The following KCNIP4 variants were observed in gnomAD, a reference collection of about 807,000 sequenced individuals.
The protein encoded by KCNIP4 is potassium voltage-gated channel interacting protein 4.
Under a neutral mutation model 34.0 loss-of-function variants are expected in KCNIP4, and 12 were observed. The observed-to-expected ratio is 0.35, with a 90% CI of 0.23 to 0.57. The LOEUF (loss-of-function observed/expected upper bound fraction) is 0.57, where lower values mean the gene tolerates loss of function less well. Among genes scored for constraint, KCNIP4 ranks in the 20% least tolerant of loss-of-function variants. The pLI is 0.83. For synonymous variants in KCNIP4, 124 were observed against 102.2 expected (o/e 1.21, Z -1.29); for missense variants, 238 against 311.7 (o/e 0.76, Z 1.78).
At chr4:21,664,220 A>G (rs1286932191) in intron 1 of KCNIP4, among the ~76,000 whole-genome samples, 1 of 152,150 alleles carries the variant, frequency 6.6e-6, no homozygotes, top group East Asian at 1.9e-4. Context: ...AAGTGCTGGC[A>G]TTACAGGCGT....
At chr4:21,200,120 A>G (rs1756359057) in intron 1 of KCNIP4, among the ~76,000 whole-genome samples, 1 of 151,960 alleles carries the variant, frequency 6.6e-6, no homozygotes, top group African/African-American at 2.4e-5. Flanking sequence ...CAGCACACCA[A>G]CACGGCACAT....
At position 21,887,975 on chromosome 4, in the gene KCNIP4, T is replaced by C. The variant is rs1726878207; in HGVS notation, c.61+60596A>G. Among the ~76,000 whole-genome samples, 3 of 152,122 alleles carry C rather than the reference T, an allele frequency of 2.0e-5. No homozygotes were observed. In the South Asian group the frequency reaches 6.2e-4, roughly 31 times the overall value. On this transcript the variant is annotated intron_variant, in intron 1 of 8. Transcript: ENST00000382152. ...AGTGTTTTATCATTAGTTGTTCAAC[T>C]ATGATAGTTCATATTTATGTAACAC...
chr4:21,232,165 T>C (rs1212033386), intron 1 of KCNIP4, among the ~76,000 whole-genome samples: 2 of 152,142 alleles, frequency 1.3e-5, no homozygotes, highest in Non-Finnish European at 2.9e-5. Flanking sequence ...TTCATTTCCC[T>C]GGTAAGCACA....
chr4:20,748,313 C>T lies in KCNIP4; in HGVS notation c.429+1349G>A, dbSNP rs903711454. Among the ~76,000 whole-genome samples, 8 of 152,030 alleles carry T rather than the reference C, an allele frequency of 5.3e-5. No homozygotes were observed. The South Asian group carries it at 1.7e-3, about 32-fold the overall frequency. ...TGATATACTCTGTCCAGCCTCTGCCCCACTCTCCATTGCTTCCCATCCCAT... is the reference window on the plus strand; with the variant it reads ...TGATATACTCTGTCCAGCCTCTGCCTCACTCTCCATTGCTTCCCATCCCAT... On this transcript the variant is annotated intron_variant, in intron 5 of 8. Transcript: ENST00000382152.
intron 1 of KCNIP4, among the ~76,000 whole-genome samples, chr4:21,107,170 A>G (rs143050521): frequency 0.4 from 54,601 of 137,140 alleles, 11,583 homozygotes; most frequent in African/African-American, 0.44. Flanking sequence ...TTTCTGTCTC[A>G]TTGATCTGTC....
intron 1 of KCNIP4, among the ~76,000 whole-genome samples, chr4:21,490,647 G>T (rs996801598): frequency 6.6e-6 from 1 of 152,120 alleles, no homozygotes; most frequent in African/African-American, 2.4e-5. Context: ...AAAAAGCCCA[G>T]AAGTGCACAC....
rs892290726 is a variant in KCNIP4 at position 21,591,208 on chromosome 4, G to A, written c.61+357363C>T. ...GGTGTCATAAAAAACAAGGAGGAACGTTATAGGAATGAACATTTTACTTCT... is the reference window on the plus strand; with the variant it reads ...GGTGTCATAAAAAACAAGGAGGAACATTATAGGAATGAACATTTTACTTCT... On this transcript the variant is annotated intron_variant, in intron 1 of 8. Coordinates refer to ENST00000382152, the MANE Select transcript of KCNIP4 (RefSeq NM_025221.6). Among the ~76,000 whole-genome samples, 6 of 151,986 alleles carry A rather than the reference G, an allele frequency of 3.9e-5. No individual in the cohort carries two copies. In the South Asian group the frequency reaches 8.3e-4, roughly 21 times the overall value.
chr4:20,772,143 A>G (rs1368155689), intron 3 of KCNIP4, among the ~76,000 whole-genome samples: 1 of 152,144 alleles, frequency 6.6e-6, no homozygotes, highest in Non-Finnish European at 1.5e-5. Context: ...GGTCAGTGGG[A>G]CTGGGATTTG....
chr4:21,240,659 G>A (rs1759741325), intron 1 of KCNIP4, among the ~76,000 whole-genome samples: 1 of 152,068 alleles, frequency 6.6e-6, no homozygotes, highest in South Asian at 2.1e-4. Flanking sequence ...ATTAGAGAAG[G>A]CTTCCTGGCT....
intron 3 of KCNIP4, among the ~76,000 whole-genome samples, chr4:20,796,604 CTT>C (rs34624781): frequency 0.16 from 22,881 of 140,570 alleles, 2,173 homozygotes; most frequent in African/African-American, 0.28. Flanking sequence ...ATTTTTATTG[CTT>C]TTTTTTTTTT....
At chr4:20,832,037 C>T (rs1289166376) in intron 3 of KCNIP4, among the ~76,000 whole-genome samples, 1 of 152,124 alleles carries the variant, frequency 6.6e-6, no homozygotes, top group Non-Finnish European at 1.5e-5. Context: ...TTGGAATTTA[C>T]TTATTTCAAA....
chr4:21,923,077 C>T (rs1049898296), intron 1 of KCNIP4, among the ~76,000 whole-genome samples: 19 of 152,156 alleles, frequency 1.2e-4, no homozygotes, highest in African/African-American at 4.6e-4. Flanking sequence ...ATTTATCCTC[C>T]TTCTCACAGC....
rs181807089 is a variant in KCNIP4 at position 21,319,080 on chromosome 4, G to T, written c.62-436371C>A. On this transcript the variant is annotated intron_variant, in intron 1 of 8. Coordinates refer to ENST00000382152, the MANE Select transcript of KCNIP4 (RefSeq NM_025221.6). The stretch of plus-strand genomic sequence containing the variant: ...TATGAAATAAGTTGGAGAAAAATGC[G>T]CTAAAATACATTCAACGAGGCGCGA... 3.6e-3 allele frequency among the ~76,000 whole-genome samples: 547 copies of T among 152,254 alleles called. 6 individuals carry two copies. Among genetic ancestry groups the T allele is most frequent in the South Asian group, 7.7e-3 (37 of 4,822 alleles).
In KCNIP4 at chr4:21,380,460, A is replaced by G. The variant is rs1360910575; in HGVS notation, c.62-497751T>C. 1.4e-3 allele frequency among the ~76,000 whole-genome samples: 204 copies of G among 141,644 alleles called. No homozygotes were observed. The Middle Eastern group carries it at 0.015, about 10-fold the overall frequency. 92.9% of individuals were successfully genotyped at this position (141,644 alleles called of 152,430 possible). ...GAGAGGGAGGGAGAGGGAGAGGGGG[A>G]GAGAGAGAGAGAGAGGGAGAGAGAG... On this transcript the variant is annotated intron_variant, in intron 1 of 8. Coordinates refer to ENST00000382152, the MANE Select transcript of KCNIP4 (RefSeq NM_025221.6).
In KCNIP4 at chr4:20,730,021, A is replaced by AACTTTAAGGGTGGTAGAATAGTTCACAT; in HGVS notation, c.*33_*60dup. 6.5e-7 allele frequency: 1 copy of AACTTTAAGGGTGGTAGAATAGTTCACAT among 1,544,338 alleles called. No individual in the cohort carries two copies. The highest frequency in any genetic ancestry group is 8.7e-7 in the Non-Finnish European group (1 of 1,147,634). ...AATCTATGCTAAAAGTGGTAGCTCC[A>AACTTTAAGGGTGGTAGAATAGTTCACAT]ACTTTAAGGGTGGTAGAATAGTTCA... is the stretch of plus-strand genomic sequence containing the variant. On this transcript the variant is annotated 3_prime_UTR_variant, in exon 9 of 9. Coordinates refer to ENST00000382152, the MANE Select transcript of KCNIP4 (RefSeq NM_025221.6).
chr4:21,244,498 T>A (rs1320466390), intron 1 of KCNIP4, among the ~76,000 whole-genome samples: 1 of 152,194 alleles, frequency 6.6e-6, no homozygotes, highest in Non-Finnish European at 1.5e-5. Flanking sequence ...GAAGACATAA[T>A]TTTGGAAAAA....
chr4:21,482,112 A>G (rs895498047), intron 1 of KCNIP4, among the ~76,000 whole-genome samples: 2 of 144,066 alleles, frequency 1.4e-5, no homozygotes, highest in African/African-American at 5.3e-5. Context: ...AGTCTGTTTT[A>G]TCAGAGACTA....
rs558588313 is a variant in KCNIP4 at position 21,100,108 on chromosome 4, G to A, written c.62-217399C>T. Among the ~76,000 whole-genome samples, 7 of 152,268 alleles carry A rather than the reference G, an allele frequency of 4.6e-5. No individual in the cohort carries two copies. The South Asian group carries it at 1.0e-3, about 23-fold the overall frequency. On this transcript the variant is annotated intron_variant, in intron 1 of 8. Transcript: ENST00000382152. ...GGATTTTGAATATTACACAAACTTC[G>A]ATAAAGCAGAAGAAGGGTTTTGAGA...
intron 1 of KCNIP4, among the ~76,000 whole-genome samples, chr4:21,579,631 A>C (rs998742503): frequency 6.6e-6 from 1 of 151,992 alleles, no homozygotes; most frequent in Non-Finnish European, 1.5e-5. Context: ...AACTACCCTC[A>C]AACACCTTGC....
Sources: gnomAD v4.1 joint callset for allele counts (sites outside exome capture counted in the v4.1 genomes callset) on GRCh38, gnomAD v4.1.1 for gene constraint, MANE v1.5 for transcripts, NCBI Gene and HGNC (gene_info 2026-07-23, HGNC 2026-07-21) for gene names.